UBE3C: variants seen among roughly 807,000 people sequenced by gnomAD.
The protein encoded by UBE3C is ubiquitin-protein ligase E3C.
In UBE3C, 42 loss-of-function variants were observed where a neutral mutation model predicts 129.4. The ratio of observed to expected loss-of-function variants is 0.32; its 90% CI spans 0.25 to 0.42. UBE3C has a LOEUF of 0.42. Ranked by LOEUF, UBE3C falls within the 10% of genes least tolerant of loss-of-function variation. UBE3C has a pLI of 1.00. For missense variants in UBE3C, 1,049 were observed against 1,319.1 expected, an observed-to-expected ratio of 0.80 and a Z score of 3.17; for synonymous variants, 510 against 492.4, an observed-to-expected ratio of 1.04 and a Z score of -0.47.
chr7:157,254,393 A>AACTT lies in UBE3C; in HGVS notation c.2950+84_2950+85insCTTA. 1.1e-5 allele frequency: 5 copies of AACTT among 466,498 alleles called. 1 individual carries two copies. The highest frequency in any genetic ancestry group is 1.4e-5 in the Non-Finnish European group (5 of 365,720). The allele number at this position is 466,498 out of a possible 1,614,324, so 28.9% of individuals were successfully genotyped here. A position where few individuals can be genotyped will look rare whatever the true frequency, so the allele number is the denominator to read the frequency against. On this transcript the variant is annotated intron_variant, in intron 21 of 22. Coordinates refer to ENST00000348165, the MANE Select transcript of UBE3C (RefSeq NM_014671.3). ...AAGTAATTTTTATTTTATTTTAATT[A>AACTT]ATTTATTTATTTTTTTTTTTTCAGA...
At chr7:157,157,332 A>G (rs1438618486) in intron 1 of UBE3C, among the ~76,000 whole-genome samples, 1 of 152,234 alleles carries the variant, frequency 6.6e-6, no homozygotes, top group African/African-American at 2.4e-5. Context: ...ATCATAACCA[A>G]GGTTAAAGAG....
At chr7:157,216,820 T>A in intron 13 of UBE3C, 47 bp from the exon 14 acceptor site, 1 of 1,454,004 alleles carries the variant, frequency 6.9e-7, no homozygotes, top group South Asian at 1.2e-5. Flanking sequence ...CTGTGCATTG[T>A]GCTGCCGAGC....
intron 1 of UBE3C, among the ~76,000 whole-genome samples, chr7:157,146,423 A>G (rs1439977031): frequency 6.6e-6 from 1 of 151,864 alleles, no homozygotes; most frequent in East Asian, 1.9e-4. Flanking sequence ...GGGTTTCACC[A>G]TGTTGGTCAG....
intron 8 of UBE3C, among the ~76,000 whole-genome samples, 165 bp from the exon 9 acceptor site, chr7:157,183,713 G>C (rs528081885): frequency 6.6e-6 from 1 of 152,118 alleles, no homozygotes; most frequent in Non-Finnish European, 1.5e-5. Context: ...TGACATGAAC[G>C]GGGACAAAAT....
intron 1 of UBE3C, among the ~76,000 whole-genome samples, chr7:157,141,814 C>T (rs1314037113): frequency 6.6e-6 from 1 of 152,192 alleles, no homozygotes; most frequent in Non-Finnish European, 1.5e-5. Context: ...TGGCTTCTGT[C>T]TGAGAGGTGG....
rs80195105 is a variant in UBE3C at position 157,249,614 on chromosome 7, G to A, written c.2694+1034G>A. On this transcript the variant is annotated intron_variant, in intron 19 of 22. Transcript: ENST00000348165. ...AGGCGTGAGCCACCGTGGCCGGCAC[G>A]ACAGAGCCTTTTACGTGGTCTTCCT... 3.8e-3 allele frequency among the ~76,000 whole-genome samples: 571 copies of A among 152,240 alleles called. 2 individuals are homozygous for A. Among genetic ancestry groups the A allele is most frequent in the African/African-American group, 0.012 (500 of 41,548 alleles).
intron 18 of UBE3C, among the ~76,000 whole-genome samples, chr7:157,238,286 A>G (rs1421053998): frequency 6.6e-6 from 1 of 152,090 alleles, no homozygotes; most frequent in Admixed American, 6.5e-5. Flanking sequence ...TCACCAGCAG[A>G]GGGCAGCAGA....
intron 21 of UBE3C, among the ~76,000 whole-genome samples, chr7:157,255,358 T>A (rs546593212): frequency 1.3e-5 from 2 of 152,354 alleles, no homozygotes; most frequent in South Asian, 2.1e-4. Context: ...AAAACTGGAT[T>A]GTGCTGATGG....
At chr7:157,228,996 G>A (rs1795951167) in intron 17 of UBE3C, among the ~76,000 whole-genome samples, 1 of 152,162 alleles carries the variant, frequency 6.6e-6, no homozygotes, top group African/African-American at 2.4e-5. Context: ...GAGGTTACAT[G>A]TCCCTTGAGA....
chr7:157,151,675 T>G (rs1298102516), intron 1 of UBE3C, among the ~76,000 whole-genome samples: 1 of 152,188 alleles, frequency 6.6e-6, no homozygotes, highest in Non-Finnish European at 1.5e-5. Flanking sequence ...GAGTAATTTT[T>G]TGTAACAATG....
intron 2 of UBE3C, among the ~76,000 whole-genome samples, chr7:157,166,675 G>C (rs1199908742): frequency 6.6e-6 from 1 of 150,702 alleles, no homozygotes; most frequent in African/African-American, 2.4e-5. Flanking sequence ...GGGAGGCGGA[G>C]GTTGTGGTGA....
intron 3 of UBE3C, among the ~76,000 whole-genome samples, 179 bp from the exon 4 acceptor site, chr7:157,170,125 T>A (rs561635503): frequency 6.6e-6 from 1 of 152,010 alleles, no homozygotes; most frequent in South Asian, 2.1e-4. Flanking sequence ...TGGTTTTTTT[T>A]TTTTTTTTTC....
At chr7:157,152,252 AG>A (rs1263768816) in intron 1 of UBE3C, among the ~76,000 whole-genome samples, 2 of 152,096 alleles carry the variant, frequency 1.3e-5, no homozygotes, top group African/African-American at 4.8e-5. Context: ...AAAGGTAATT[AG>A]GGACAGAGCT....
chr7:157,198,946 G>A (rs924397992), intron 10 of UBE3C, among the ~76,000 whole-genome samples: 2 of 152,178 alleles, frequency 1.3e-5, no homozygotes, highest in Admixed American at 6.5e-5. Flanking sequence ...TTTTAAATGT[G>A]TATTTCTGAA....
chr7:157,223,026 T>G (rs908431988), intron 15 of UBE3C: 1 of 455,814 alleles, frequency 2.2e-6, no homozygotes, highest in Admixed American at 3.6e-5. Context: ...AGTCCTTGAT[T>G]AGGACATCTT....
chr7:157,254,179 A>G (rs1563076330), intron 20 of UBE3C, 37 bp downstream of exon 20: 2 of 1,609,284 alleles, frequency 1.2e-6, no homozygotes, highest in Non-Finnish European at 8.5e-7. Context: ...CACGCTTGTC[A>G]CAGGAAATGA....
chr7:157,175,985 CAT>C (rs1425257162), intron 5 of UBE3C, among the ~76,000 whole-genome samples: 2 of 152,148 alleles, frequency 1.3e-5, no homozygotes. Context: ...ATAAAGGAAT[CAT>C]GCTTCACTCA....
intron 1 of UBE3C, among the ~76,000 whole-genome samples, chr7:157,144,329 A>G (rs911078512): frequency 5.3e-5 from 8 of 152,236 alleles, no homozygotes; most frequent in Non-Finnish European, 1.2e-4. Flanking sequence ...GCAACAGTGT[A>G]GACCTTTTTT....
At chr7:157,240,742 C>T (rs376200046) in intron 18 of UBE3C, among the ~76,000 whole-genome samples, 10 of 152,164 alleles carry the variant, frequency 6.6e-5, no homozygotes, top group East Asian at 1.9e-4. Flanking sequence ...CCTGTGGAGT[C>T]GAGGTCCTTC....
Sources: allele counts gnomAD v4.1 joint callset (sites outside exome capture counted in the v4.1 genomes callset), GRCh38; gene constraint gnomAD v4.1.1; transcripts MANE v1.5; gene names NCBI Gene and HGNC (gene_info 2026-07-23, HGNC 2026-07-21).